The following NPR3 variants were observed in gnomAD, a reference collection of about 807,000 sequenced individuals.
The protein encoded by NPR3 is atrial natriuretic peptide receptor 3.
Under a neutral mutation model 54.5 loss-of-function variants are expected in NPR3, and 34 were observed. The observed-to-expected ratio is 0.62, with a 90% confidence interval of 0.47 to 0.83. The LOEUF (loss-of-function observed/expected upper bound fraction) is 0.83, where lower values mean the gene tolerates loss of function less well. Among genes scored for constraint, NPR3 ranks in the 40% least tolerant of loss-of-function variants. The probability of loss-of-function intolerance (pLI) is 0.00; values close to 1 mark genes in which losing one functional copy is unlikely to be tolerated. For missense variants in NPR3, 674 were observed against 720.8 expected (o/e 0.94, Z 0.74); for synonymous variants, 289 against 297.1 (o/e 0.97, Z 0.28).
chr5:32,751,527 A>C (rs1475159813), intron 3 of NPR3, among the ~76,000 whole-genome samples: 1 of 152,206 alleles, frequency 6.6e-6, no homozygotes, highest in Non-Finnish European at 1.5e-5. Context: ...TATTCTGAGC[A>C]GGGGGTGATT....
chr5:32,754,932 C>T (rs1740756531), intron 3 of NPR3, among the ~76,000 whole-genome samples: 1 of 152,228 alleles, frequency 6.6e-6, no homozygotes, highest in Non-Finnish European at 1.5e-5. Context: ...GTGATCTCCG[C>T]CCACTGCAAG....
Position 32,780,797 on chromosome 5 carries a change from T to C in NPR3, c.1271T>C (p.Val424Ala), listed in dbSNP as rs552105484. The C allele has an allele frequency of 2.7e-5, 43 of 1,581,086 alleles. No homozygotes were observed. Among genetic ancestry groups the C allele is most frequent in the Non-Finnish European group, 3.7e-5 (43 of 1,150,098 alleles). The change falls in exon 5 of 8, where the codon GTG (valine) becomes GCG (alanine). Residue 424 changes from valine to alanine, a missense_variant. Transcript: ENST00000265074. ...TTCTCTGTGATTGCCATGACTGATGTGGAGGCGGGCACCCAGGAGGTGAGC... is the reference window on the plus strand; with the variant it reads ...TTCTCTGTGATTGCCATGACTGATGCGGAGGCGGGCACCCAGGAGGTGAGC... Reference protein sequence around the residue: ...GDFSVIAMTDVEAGTQEVIGD... With the variant: ...GDFSVIAMTDAEAGTQEVIGD...
chr5:32,712,795 A>C (rs183238641), intron 1 of NPR3, among the ~76,000 whole-genome samples: 262 of 152,326 alleles, frequency 1.7e-3, no homozygotes, highest in African/African-American at 6.1e-3. Flanking sequence ...CTGCGTGCCC[A>C]GGTCCAACAG....
At position 32,752,054 on chromosome 5, in the gene NPR3, G is replaced by A. The variant is rs377353566; in HGVS notation, c.1059+13024G>A. 7.2e-5 allele frequency among the ~76,000 whole-genome samples: 11 copies of A among 151,924 alleles called. 1 individual carries two copies. Among genetic ancestry groups the A allele is most frequent in the Admixed American group, 2.6e-4 (4 of 15,244 alleles). Reference sequence around the variant, plus strand: ...CCGTCTCTACTAAAAATACAAAAAAGTTAGCTGAGTGTGGTGGTGGGTGCC... The same window carrying A: ...CCGTCTCTACTAAAAATACAAAAAAATTAGCTGAGTGTGGTGGTGGGTGCC... On this transcript the variant is annotated intron_variant, in intron 3 of 7. Coordinates refer to ENST00000265074, the MANE Select transcript of NPR3 (RefSeq NM_001204375.2).
chr5:32,725,064 C>A (rs1739069718), intron 2 of NPR3, among the ~76,000 whole-genome samples: 1 of 151,400 alleles, frequency 6.6e-6, no homozygotes, highest in Non-Finnish European at 1.5e-5. Context: ...CAAGTGGGAG[C>A]TAAACATTGA....
chr5:32,751,323 A>G (rs1740562898), intron 3 of NPR3, among the ~76,000 whole-genome samples: 1 of 152,196 alleles, frequency 6.6e-6, no homozygotes, highest in Non-Finnish European at 1.5e-5. Context: ...AAAGGGCCGC[A>G]GTTACCTTCC....
At chr5:32,785,312 G>A (rs947517027) in intron 7 of NPR3, among the ~76,000 whole-genome samples, 8 of 151,980 alleles carry the variant, frequency 5.3e-5, no homozygotes, top group Non-Finnish European at 1.0e-4. Flanking sequence ...ACCATGGCTG[G>A]CTAATTTTTT....
At chr5:32,695,643 T>G (rs1318379338) in intron 1 of NPR3, among the ~76,000 whole-genome samples, 5 of 152,238 alleles carry the variant, frequency 3.3e-5, no homozygotes, top group Admixed American at 2.6e-4. Flanking sequence ...CCACCAACAG[T>G]GTACAAGAGT....
chr5:32,706,358 C>T (rs1472804370), upstream of NPR3, among the ~76,000 whole-genome samples: 7 of 152,018 alleles, frequency 4.6e-5, no homozygotes, highest in Non-Finnish European at 1.0e-4. Flanking sequence ...GCAAAAATGG[C>T]CTAATACACA....
At chr5:32,727,018 T>C (rs909199882) in intron 2 of NPR3, among the ~76,000 whole-genome samples, 5 of 152,238 alleles carry the variant, frequency 3.3e-5, no homozygotes, top group African/African-American at 1.2e-4. Flanking sequence ...CTGTGTTGAG[T>C]GTACATACGC....
chr5:32,744,179 G>C (rs1019474986), intron 3 of NPR3, among the ~76,000 whole-genome samples: 1 of 151,924 alleles, frequency 6.6e-6, no homozygotes, highest in Admixed American at 6.6e-5. Flanking sequence ...TTTTAGTAGA[G>C]ATGGGGTTTC....
intron 3 of NPR3, among the ~76,000 whole-genome samples, chr5:32,743,987 ATTTTTTTTT>A (rs199604802): frequency 1.8e-5 from 2 of 113,834 alleles, no homozygotes; most frequent in African/African-American, 3.5e-5. Context: ...ATTCTGATGC[ATTTTTTTTT>A]TTTTTTTTTT....
intron 2 of NPR3, among the ~76,000 whole-genome samples, chr5:32,726,428 TC>T (rs1739140324): frequency 1.3e-5 from 2 of 152,316 alleles, no homozygotes; most frequent in African/African-American, 4.8e-5. Context: ...GCCATGATGG[TC>T]TTTTCCCCTC....
chr5:32,779,922 A>G (rs1742250383), intron 4 of NPR3, among the ~76,000 whole-genome samples: 1 of 152,178 alleles, frequency 6.6e-6, no homozygotes, highest in Non-Finnish European at 1.5e-5. Context: ...GGGAGGTACT[A>G]TTATGCCCAT....
At chr5:32,694,417 A>G (rs955899932) in intron 1 of NPR3, among the ~76,000 whole-genome samples, 1 of 152,192 alleles carries the variant, frequency 6.6e-6, no homozygotes, top group Non-Finnish European at 1.5e-5. Flanking sequence ...TTTACCAGGC[A>G]TTGAAGGGAA....
chr5:32,774,749 C>T lies in NPR3; in HGVS notation c.1101C>T (p.Leu367=), dbSNP rs1308886398. The change falls in exon 4 of 8, where the codon CTC becomes CTT. Residue 367 remains leucine (L), a synonymous_variant. Transcript: ENST00000265074. Reference sequence around the variant, plus strand: ...AAGGATTCCACGATGCCATCCTCCTCTACGTCTTGGCTCTACATGAAGTAC... The same window carrying T: ...AAGGATTCCACGATGCCATCCTCCTTTACGTCTTGGCTCTACATGAAGTAC... ...FVEGFHDAIL[L]YVLALHEVLR... is the part of the protein sequence containing the mutation. The T allele has an allele frequency of 7.5e-6, 12 of 1,609,142 alleles. No homozygotes were observed. The highest frequency in any genetic ancestry group is 1.6e-4 in the Middle Eastern group (1 of 6,072).
intron 1 of NPR3, among the ~76,000 whole-genome samples, chr5:32,692,132 G>C (rs17540044): frequency 0.21 from 31,381 of 152,118 alleles, 3,521 homozygotes; most frequent in Middle Eastern, 0.34. Context: ...AGTGTGCCAA[G>C]AATTGAGGAT....
intron 3 of NPR3, among the ~76,000 whole-genome samples, chr5:32,752,954 A>G (rs1342632518): frequency 6.6e-6 from 1 of 152,220 alleles, no homozygotes. Context: ...GTGCTAAAGT[A>G]GAATATTTGA....
At chr5:32,714,416 C>A (rs1738438984) in intron 1 of NPR3, among the ~76,000 whole-genome samples, 1 of 152,064 alleles carries the variant, frequency 6.6e-6, no homozygotes, top group Non-Finnish European at 1.5e-5. Flanking sequence ...GACTGGTGCG[C>A]CCCGGGCTTC....
Sources: gnomAD v4.1 joint callset for allele counts (sites outside exome capture counted in the v4.1 genomes callset) on GRCh38, gnomAD v4.1.1 for gene constraint, MANE v1.5 for transcripts, NCBI Gene and HGNC (gene_info 2026-07-23, HGNC 2026-07-21) for gene names.